The following TENM2 variants were observed in gnomAD, a reference collection of about 807,000 sequenced individuals.
TENM2 encodes the protein teneurin transmembrane protein 2, also known as teneurin-2.
TENM2 carries 52 observed loss-of-function variants against 245.2 expected under a neutral mutation model. The observed-to-expected ratio is 0.21, with a 90% CI of 0.17 to 0.27. The LOEUF (loss-of-function observed/expected upper bound fraction) is 0.27. Among genes scored for constraint, TENM2 ranks in the 10% least tolerant of loss-of-function variants. The pLI, the probability that TENM2 is intolerant of heterozygous loss-of-function variation, is 1.00. For synonymous variants in TENM2, 1,363 were observed against 1,438.9 expected (o/e 0.95, Z 1.19); for missense variants, 3,046 against 3,666.8 (o/e 0.83, Z 4.37).
At chr5:167,481,780 A>G (rs964926791) in intron 2 of TENM2, among the ~76,000 whole-genome samples, 1 of 152,202 alleles carries the variant, frequency 6.6e-6, no homozygotes, top group African/African-American at 2.4e-5. Flanking sequence ...TACAAAAAGA[A>G]TTTCAGTCTT....
intron 2 of TENM2, among the ~76,000 whole-genome samples, chr5:167,628,258 C>T (rs1234701052): frequency 6.6e-6 from 1 of 152,134 alleles, no homozygotes; most frequent in African/African-American, 2.4e-5. Context: ...CTGTTTTGCA[C>T]GTTCCTGTTA....
At chr5:167,564,955 G>A (rs1361094822) in intron 2 of TENM2, among the ~76,000 whole-genome samples, 1 of 152,236 alleles carries the variant, frequency 6.6e-6, no homozygotes, top group Non-Finnish European at 1.5e-5. Flanking sequence ...ATACAAGACT[G>A]TGAATACACG....
intron 5 of TENM2, among the ~76,000 whole-genome samples, chr5:168,010,203 AT>A (rs1236420124): frequency 1.3e-5 from 2 of 152,248 alleles, no homozygotes; most frequent in African/African-American, 4.8e-5. Context: ...CCAGGTTAGA[AT>A]AATCATAGGA....
intron 2 of TENM2, among the ~76,000 whole-genome samples, chr5:167,746,957 A>G (rs527811721): frequency 6.6e-6 from 1 of 152,308 alleles, no homozygotes; most frequent in South Asian, 2.1e-4. Context: ...ACGTGTTAGC[A>G]TAGTGCAAAA....
the TENM2 span, among the ~76,000 whole-genome samples, chr5:167,058,185 C>A: frequency 6.6e-6 from 1 of 152,088 alleles, no homozygotes. Context: ...GACTTCAAGG[C>A]TCTCTACATG....
the TENM2 span, among the ~76,000 whole-genome samples, chr5:167,237,447 T>C: frequency 6.6e-6 from 1 of 152,218 alleles, no homozygotes; most frequent in African/African-American, 2.4e-5. Context: ...ACTACACATG[T>C]ACACATCTGG....
intron 25 of TENM2, among the ~76,000 whole-genome samples, chr5:168,241,421 ATT>A (rs752333194): frequency 3.8e-4 from 50 of 133,028 alleles, no homozygotes; most frequent in Admixed American, 5.3e-4. Context: ...TGCTTGGCTA[ATT>A]TTTTTTTTTT....
chr5:168,203,001 C>G (rs1762057996), intron 17 of TENM2, among the ~76,000 whole-genome samples: 1 of 152,238 alleles, frequency 6.6e-6, no homozygotes, highest in Admixed American at 6.5e-5. Flanking sequence ...GAAGCGTGAG[C>G]TTGGAGCCAA....
chr5:167,368,792 C>T (rs1216378762), intron 1 of TENM2, among the ~76,000 whole-genome samples: 1 of 152,044 alleles, frequency 6.6e-6, no homozygotes, highest in African/African-American at 2.4e-5. Flanking sequence ...TTTTAGAACC[C>T]TCCCCTACCC....
the TENM2 span, among the ~76,000 whole-genome samples, chr5:167,195,966 A>G: frequency 1.4e-4 from 21 of 152,160 alleles, no homozygotes; most frequent in Non-Finnish European, 7.4e-5. Flanking sequence ...TTTGATCATT[A>G]CCCATCTTCA....
At chr5:167,414,211 G>C (rs1219933016) in intron 2 of TENM2, among the ~76,000 whole-genome samples, 1 of 152,082 alleles carries the variant, frequency 6.6e-6, no homozygotes, top group African/African-American at 2.4e-5. Flanking sequence ...ACACTTTACT[G>C]TAAGTTTTCT....
At chr5:167,451,475 T>A (rs780478312) in intron 2 of TENM2, among the ~76,000 whole-genome samples, 1 of 152,172 alleles carries the variant, frequency 6.6e-6, no homozygotes, top group Non-Finnish European at 1.5e-5. Context: ...GAAGGACCAG[T>A]TTCTGAAGTT....
intron 14 of TENM2, among the ~76,000 whole-genome samples, chr5:168,192,293 C>T (rs150057414): frequency 2.2e-4 from 33 of 152,232 alleles, no homozygotes; most frequent in African/African-American, 7.5e-4. Context: ...CTGTTGTAAC[C>T]GGAAACCAGT....
intron 2 of TENM2, among the ~76,000 whole-genome samples, chr5:167,383,748 A>C (rs909605153): frequency 2.0e-5 from 3 of 150,754 alleles, no homozygotes; most frequent in African/African-American, 2.5e-5. Flanking sequence ...AAAAAAAAAA[A>C]AACTTCCGTA....
chr5:167,819,685 G>T (rs1210254132), intron 2 of TENM2, among the ~76,000 whole-genome samples: 1 of 152,144 alleles, frequency 6.6e-6, no homozygotes, highest in East Asian at 1.9e-4. Context: ...TCTGCCTGTG[G>T]CTAACATGCC....
At chr5:167,297,815 G>C (rs1270314926) in intron 1 of TENM2, among the ~76,000 whole-genome samples, 1 of 152,102 alleles carries the variant, frequency 6.6e-6, no homozygotes, top group Non-Finnish European at 1.5e-5. Flanking sequence ...GTTGTTCTCT[G>C]GTGGGCTGGA....
At chr5:168,067,959 A>G (rs906755334) in intron 7 of TENM2, among the ~76,000 whole-genome samples, 1 of 152,132 alleles carries the variant, frequency 6.6e-6, no homozygotes, top group African/African-American at 2.4e-5. Flanking sequence ...CTTCCTTTCC[A>G]AAGGAGCTCG....
At chr5:167,984,240 A>G (rs1269548807) in intron 4 of TENM2, among the ~76,000 whole-genome samples, 1 of 152,226 alleles carries the variant, frequency 6.6e-6, no homozygotes, top group Non-Finnish European at 1.5e-5. Flanking sequence ...AATTAAATGA[A>G]TAATAATCAT....
intron 2 of TENM2, among the ~76,000 whole-genome samples, chr5:167,809,742 T>G (rs1467977364): frequency 1.3e-5 from 2 of 152,120 alleles, no homozygotes; most frequent in Non-Finnish European, 2.9e-5. Context: ...GGGAAGATTT[T>G]GGGGACAGGT....
Sources: gnomAD v4.1 joint callset for allele counts (sites outside exome capture counted in the v4.1 genomes callset) on GRCh38, gnomAD v4.1.1 for gene constraint, MANE v1.5 for transcripts, NCBI Gene and HGNC (gene_info 2026-07-23, HGNC 2026-07-21) for gene names.